The following CLMP variants were observed in gnomAD, a reference collection of about 807,000 sequenced individuals.
CLMP encodes CXADR-like membrane protein.
Under a neutral mutation model 45.2 loss-of-function variants are expected in CLMP, and 27 were observed. The ratio of observed to expected loss-of-function variants is 0.60; its 90% CI spans 0.44 to 0.82. The LOEUF is 0.82. CLMP is among the 40% of genes least tolerant of loss of function. The pLI, the probability that CLMP is intolerant of heterozygous loss-of-function variation, is 0.00. For missense variants in CLMP, 403 were observed against 448.4 expected (o/e 0.90, Z 0.91); for synonymous variants, 167 against 171.4 (o/e 0.97, Z 0.20).
intron 1 of CLMP, among the ~76,000 whole-genome samples, chr11:123,137,959 T>C (rs1861102752): frequency 6.6e-6 from 1 of 152,058 alleles, no homozygotes; most frequent in African/African-American, 2.4e-5. Context: ...GTAGTAATTT[T>C]ATTTTTTTTT....
At chr11:123,133,609 T>C (rs890372117) in intron 1 of CLMP, among the ~76,000 whole-genome samples, 1 of 152,114 alleles carries the variant, frequency 6.6e-6, no homozygotes, top group African/African-American at 2.4e-5. Flanking sequence ...ATGATGCGGT[T>C]CAGAACATCC....
At chr11:123,125,974 G>A (rs967715993) in intron 1 of CLMP, among the ~76,000 whole-genome samples, 11 of 152,192 alleles carry the variant, frequency 7.2e-5, no homozygotes, top group African/African-American at 2.6e-4. Context: ...TGGACAATGT[G>A]CTGGGCTAGA....
chr11:123,113,724 G>A (rs1298440657), intron 1 of CLMP, among the ~76,000 whole-genome samples: 1 of 152,180 alleles, frequency 6.6e-6, no homozygotes, highest in East Asian at 1.9e-4. Context: ...CAGACTGGGG[G>A]TTGACTATTT....
intron 1 of CLMP, among the ~76,000 whole-genome samples, chr11:123,182,139 A>C (rs1321654156): frequency 6.6e-6 from 1 of 152,198 alleles, no homozygotes; most frequent in Admixed American, 6.5e-5. Context: ...CACCCATTTA[A>C]AAGACTTTTA....
intron 1 of CLMP, among the ~76,000 whole-genome samples, chr11:123,183,636 G>T (rs963535766): frequency 1.3e-5 from 2 of 152,144 alleles, no homozygotes; most frequent in African/African-American, 2.4e-5. Flanking sequence ...TGCATTCCAT[G>T]TCCTGAGGAA....
At position 123,083,786 on chromosome 11, in the gene CLMP, A is replaced by G; in HGVS notation, c.450T>C (p.Thr150=). The change falls in exon 4 of 7, where the codon ACT becomes ACC. Residue 150 remains threonine, a synonymous_variant. Coordinates refer to ENST00000448775, the MANE Select transcript of CLMP (RefSeq NM_024769.5). ...EGELTEGSDL[T]LQCESSSGTE... is the part of the protein sequence containing the mutation. ...TGCCAGAGGATGACTCACACTGCAA[A>G]GTCAGGTCACTTCCTTCTGTCAGCT... is the stretch of plus-strand genomic sequence containing the variant. 1.9e-6 allele frequency: 3 copies of G among 1,614,006 alleles called. No individual in the cohort carries two copies. The Admixed American group carries it at 5.0e-5, about 27-fold the overall frequency.
At chr11:123,171,605 C>T (rs1259825803) in intron 1 of CLMP, among the ~76,000 whole-genome samples, 1 of 151,778 alleles carries the variant, frequency 6.6e-6, no homozygotes, top group South Asian at 2.1e-4. Context: ...CCAACACAGC[C>T]GGCCAATTTT....
intron 1 of CLMP, among the ~76,000 whole-genome samples, chr11:123,146,823 G>A (rs75519825): frequency 2.6e-3 from 402 of 152,162 alleles, no homozygotes; most frequent in African/African-American, 9.3e-3. Context: ...ACCAGACAAG[G>A]TGGCTTCCCT....
intron 2 of CLMP, among the ~76,000 whole-genome samples, chr11:123,088,111 C>A (rs1189092186): frequency 6.6e-6 from 1 of 151,870 alleles, no homozygotes; most frequent in South Asian, 2.1e-4. Flanking sequence ...GGTTTCTCCA[C>A]GTTGGTCAGG....
intron 1 of CLMP, among the ~76,000 whole-genome samples, chr11:123,101,806 G>T (rs558884888): frequency 6.6e-6 from 1 of 152,342 alleles, no homozygotes; most frequent in South Asian, 2.1e-4. Context: ...CTAATGGGAG[G>T]CCATCAGGCT....
At position 123,073,471 on chromosome 11, in the gene CLMP, A is replaced by G. The variant is rs1865697303; in HGVS notation, c.*3T>C. 3 of 1,606,478 alleles carry G rather than the reference A, an allele frequency of 1.9e-6. No individual in the cohort carries two copies. Among genetic ancestry groups the G allele is most frequent in the Non-Finnish European group, 2.6e-6 (3 of 1,175,798 alleles). Reference sequence around the variant, plus strand: ...AAAGCGTGGGAGTCAAGTCCATTGTAATTCAGACCGTTTGGAAGGCTCTGC... The same window carrying G: ...AAAGCGTGGGAGTCAAGTCCATTGTGATTCAGACCGTTTGGAAGGCTCTGC... On this transcript the variant is annotated 3_prime_UTR_variant, in exon 7 of 7. Coordinates refer to ENST00000448775, the MANE Select transcript of CLMP (RefSeq NM_024769.5).
chr11:123,128,035 C>CAAAAAAAA (rs35399534), intron 1 of CLMP, among the ~76,000 whole-genome samples: 49 of 91,830 alleles, frequency 5.3e-4, no homozygotes, highest in African/African-American at 1.7e-3. Flanking sequence ...GACTCTGTCT[C>CAAAAAAAA]AAAAAAAAAA....
intron 1 of CLMP, among the ~76,000 whole-genome samples, chr11:123,183,635 T>C (rs1227680122): frequency 6.6e-6 from 1 of 152,136 alleles, no homozygotes; most frequent in Non-Finnish European, 1.5e-5. Context: ...CTGCATTCCA[T>C]GTCCTGAGGA....
intron 1 of CLMP, among the ~76,000 whole-genome samples, chr11:123,172,839 C>T (rs1266121632): frequency 6.6e-6 from 1 of 152,206 alleles, no homozygotes; most frequent in Non-Finnish European, 1.5e-5. Flanking sequence ...AGATTTCTAA[C>T]AATGGAATTA....
rs138553479 is a variant in CLMP at position 123,117,741 on chromosome 11, G to A, written c.29-19789C>T. On this transcript the variant is annotated intron_variant, in intron 1 of 6. Transcript: ENST00000448775. ...CATGCCTGGCTGAGACCTTTCATCCGCTATAAATACAATAAACTATAATGC... is the reference window on the plus strand; with the variant it reads ...CATGCCTGGCTGAGACCTTTCATCCACTATAAATACAATAAACTATAATGC... Among the ~76,000 whole-genome samples the A allele has an allele frequency of 5.4e-3, 819 of 152,116 alleles. 2 individuals carry two copies. The highest frequency in any genetic ancestry group is 9.7e-3 in the Non-Finnish European group (662 of 67,986).
At chr11:123,178,169 T>C (rs1179088284) in intron 1 of CLMP, among the ~76,000 whole-genome samples, 1 of 152,080 alleles carries the variant, frequency 6.6e-6, no homozygotes, top group African/African-American at 2.4e-5. Context: ...CTGGGCCAAA[T>C]CTTGTTTTTA....
intron 1 of CLMP, among the ~76,000 whole-genome samples, chr11:123,120,263 T>C (rs1438520622): frequency 2.0e-5 from 3 of 152,130 alleles, no homozygotes; most frequent in African/African-American, 2.4e-5. Context: ...TCCACAAAAA[T>C]ATAAAAGTAA....
chr11:123,076,991 C>CTTTTTTTTTT (rs869224079), intron 5 of CLMP, among the ~76,000 whole-genome samples: 57 of 99,658 alleles, frequency 5.7e-4, no homozygotes, highest in East Asian at 1.3e-3. Flanking sequence ...GCTATTTATT[C>CTTTTTTTTTT]TTTTTTTTTT....
chr11:123,120,941 A>G (rs1215583911), intron 1 of CLMP, among the ~76,000 whole-genome samples: 1 of 152,044 alleles, frequency 6.6e-6, no homozygotes, highest in African/African-American at 2.4e-5. Context: ...CCTTGGTAAC[A>G]TGGTGAAACC....
Sources: allele counts gnomAD v4.1 joint callset (sites outside exome capture counted in the v4.1 genomes callset), GRCh38; gene constraint gnomAD v4.1.1; transcripts MANE v1.5; gene names NCBI Gene and HGNC (gene_info 2026-07-23, HGNC 2026-07-21).